FRMD5: variants seen among roughly 807,000 people sequenced by gnomAD.
The protein encoded by FRMD5 is FERM domain containing 5.
A neutral mutation model predicts 69.0 loss-of-function variants in FRMD5; 20 were observed. The ratio of observed to expected loss-of-function variants is 0.29; its 90% CI spans 0.20 to 0.42. FRMD5 has a LOEUF of 0.42. FRMD5 is among the 10% of genes least tolerant of loss of function. The pLI, the probability that FRMD5 is intolerant of heterozygous loss-of-function variation, is 1.00. For missense variants in FRMD5, 595 were observed against 708.6 expected, an observed-to-expected ratio of 0.84 and a Z score of 1.82; for synonymous variants, 271 against 260.1, an observed-to-expected ratio of 1.04 and a Z score of -0.40.
chr15:43,901,527 G>A (rs951081420), intron 7 of FRMD5, among the ~76,000 whole-genome samples: 1 of 152,284 alleles, frequency 6.6e-6, no homozygotes, highest in East Asian at 1.9e-4. Flanking sequence ...GAGACCAGGA[G>A]TGTCAAAGCA....
At chr15:44,043,177 G>C (rs991020624) in intron 1 of FRMD5, among the ~76,000 whole-genome samples, 1 of 152,148 alleles carries the variant, frequency 6.6e-6, no homozygotes, top group Non-Finnish European at 1.5e-5. Context: ...ATTCACTATT[G>C]CTACAAAGAG....
At chr15:44,086,556 A>G (rs1274757194) in intron 1 of FRMD5, among the ~76,000 whole-genome samples, 1 of 152,152 alleles carries the variant, frequency 6.6e-6, no homozygotes, top group Non-Finnish European at 1.5e-5. Flanking sequence ...GGCTGCAGGT[A>G]GGAGAGAAAT....
intron 10 of FRMD5, among the ~76,000 whole-genome samples, chr15:43,886,017 A>C (rs2088654367): frequency 6.6e-6 from 1 of 152,214 alleles, no homozygotes; most frequent in Non-Finnish European, 1.5e-5. Context: ...AATGCTTCAT[A>C]GGTTTTACCA....
At chr15:44,001,921 A>C (rs1890231716) in intron 1 of FRMD5, among the ~76,000 whole-genome samples, 1 of 152,034 alleles carries the variant, frequency 6.6e-6, no homozygotes, top group Non-Finnish European at 1.5e-5. Context: ...GGGTTTCACC[A>C]TGTTGGCTAG....
chr15:44,089,980 T>A (rs1382662938), intron 1 of FRMD5, among the ~76,000 whole-genome samples: 1 of 152,124 alleles, frequency 6.6e-6, no homozygotes, highest in African/African-American at 2.4e-5. Context: ...AAGGCCTCCA[T>A]CACAGTATCT....
intron 1 of FRMD5, 75 bp downstream of exon 1, chr15:44,194,878 C>T (rs570022793): frequency 4.4e-5 from 58 of 1,316,856 alleles, no homozygotes; most frequent in Non-Finnish European, 5.0e-5. Context: ...TGGGCGGCGG[C>T]CGCCGCCGGC....
chr15:44,036,236 T>C (rs182334191), intron 1 of FRMD5, among the ~76,000 whole-genome samples: 3 of 152,304 alleles, frequency 2.0e-5, no homozygotes, highest in Non-Finnish European at 2.9e-5. Flanking sequence ...ACATTTCTCC[T>C]GACCAAGGTT....
At chr15:44,072,436 A>C (rs1893581405) in intron 1 of FRMD5, among the ~76,000 whole-genome samples, 2 of 152,162 alleles carry the variant, frequency 1.3e-5, no homozygotes, top group South Asian at 4.1e-4. Context: ...CTCCCTTGTT[A>C]ATACAGTAAG....
rs371624482 is a variant in FRMD5, at chr15:44,131,557, G to T, written c.102+63396C>A. ...AAGCAACCCATGTCAATCAACAGAT[G>T]AATGAATATGCAAAGTGTGGGATAT... On this transcript the variant is annotated intron_variant, in intron 1 of 13. Coordinates refer to ENST00000417257, the MANE Select transcript of FRMD5 (RefSeq NM_032892.5). 3.3e-5 allele frequency among the ~76,000 whole-genome samples: 5 copies of T among 152,292 alleles called. No homozygotes were observed. In the South Asian group the frequency reaches 8.3e-4, roughly 25 times the overall value.
chr15:44,166,807 A>G (rs1026233897), intron 1 of FRMD5, among the ~76,000 whole-genome samples: 15 of 149,492 alleles, frequency 1.0e-4, no homozygotes, highest in South Asian at 2.1e-4. Context: ...AAAAAAAAAA[A>G]GAAGAAAGTT....
At chr15:44,103,856 T>G (rs568889863) in intron 1 of FRMD5, among the ~76,000 whole-genome samples, 1 of 152,348 alleles carries the variant, frequency 6.6e-6, no homozygotes, top group East Asian at 1.9e-4. Flanking sequence ...AAATTCTTAT[T>G]GCCTAGTGGT....
intron 1 of FRMD5, among the ~76,000 whole-genome samples, chr15:43,953,972 G>T (rs2090076156): frequency 6.6e-6 from 1 of 152,114 alleles, no homozygotes; most frequent in Admixed American, 6.5e-5. Flanking sequence ...GTTTAAACTG[G>T]TTCCCAGGTT....
chr15:44,040,339 G>C (rs972795915), intron 1 of FRMD5, among the ~76,000 whole-genome samples: 1 of 152,042 alleles, frequency 6.6e-6, no homozygotes, highest in African/African-American at 2.4e-5. Context: ...TCCTCGAGAA[G>C]AGCAACCCCA....
At chr15:43,897,386 CTGAGGCAGAAG>C (rs2088936306) in intron 7 of FRMD5, among the ~76,000 whole-genome samples, 1 of 147,248 alleles carries the variant, frequency 6.8e-6, no homozygotes, top group Non-Finnish European at 1.5e-5. Context: ...ACTTGGGAGG[CTGAGGCAGAAG>C]AATCACTTGA....
intron 1 of FRMD5, among the ~76,000 whole-genome samples, chr15:43,934,232 TTGGCAGGGAGTTTG>T (rs2089722744): frequency 6.6e-6 from 1 of 152,290 alleles, no homozygotes; most frequent in Non-Finnish European, 1.5e-5. Flanking sequence ...ATGTTCAACT[TTGGCAGGGAGTTTG>T]GGGCAGGAGG....
chr15:43,948,220 G>T (rs1418364196), intron 1 of FRMD5, among the ~76,000 whole-genome samples: 1 of 152,176 alleles, frequency 6.6e-6, no homozygotes, highest in Admixed American at 6.5e-5. Context: ...GTGCCATATG[G>T]CATTTTCCAA....
At chr15:44,019,621 C>G (rs933724081) in intron 1 of FRMD5, among the ~76,000 whole-genome samples, 1 of 150,546 alleles carries the variant, frequency 6.6e-6, no homozygotes, top group African/African-American at 2.4e-5. Flanking sequence ...CCTGTAATCC[C>G]AGCTACTTGG....
intron 1 of FRMD5, among the ~76,000 whole-genome samples, chr15:44,109,251 T>C (rs1323727914): frequency 1.3e-5 from 2 of 152,108 alleles, no homozygotes; most frequent in South Asian, 2.1e-4. Context: ...AGCTTTTTCT[T>C]ATATATCTTG....
intron 1 of FRMD5, among the ~76,000 whole-genome samples, chr15:43,953,842 G>C (rs2090074819): frequency 6.6e-6 from 1 of 152,340 alleles, no homozygotes; most frequent in South Asian, 2.1e-4. Context: ...GCTATGATGT[G>C]ACTTTACAGC....
Sources: gnomAD v4.1 joint callset for allele counts (sites outside exome capture counted in the v4.1 genomes callset) on GRCh38, gnomAD v4.1.1 for gene constraint, MANE v1.5 for transcripts, NCBI Gene and HGNC (gene_info 2026-07-23, HGNC 2026-07-21) for gene names.